The following GLIS3 variants were observed in gnomAD, a reference collection of about 807,000 sequenced individuals.
GLIS3 encodes zinc finger protein GLIS3.
Under a neutral mutation model 78.6 loss-of-function variants are expected in GLIS3, and 53 were observed. The ratio of observed to expected loss-of-function variants is 0.67; its 90% CI spans 0.54 to 0.85. GLIS3 has a LOEUF of 0.85. GLIS3 is among the 40% of genes least tolerant of loss of function. The probability of loss-of-function intolerance (pLI) is 0.00; values close to 1 mark genes in which losing one functional copy is unlikely to be tolerated. For synonymous variants in GLIS3, 684 were observed against 509.9 expected (o/e 1.34, Z -4.60); for missense variants, 1,703 against 1,231.1 (o/e 1.38, Z -5.74).
intron 2 of GLIS3, among the ~76,000 whole-genome samples, chr9:4,271,978 A>G (rs1040879102): frequency 1.3e-5 from 2 of 152,130 alleles, no homozygotes; most frequent in African/African-American, 4.8e-5. Flanking sequence ...GATCCATAAA[A>G]TTCTCATTTG....
intron 2 of GLIS3, among the ~76,000 whole-genome samples, chr9:4,315,939 A>G (rs977952225): frequency 1.3e-5 from 2 of 152,168 alleles, no homozygotes; most frequent in African/African-American, 2.4e-5. Context: ...TGAAACACCA[A>G]GTTGTTCACA....
chr9:4,263,119 T>G (rs1825677511), intron 2 of GLIS3, among the ~76,000 whole-genome samples: 1 of 152,158 alleles, frequency 6.6e-6, no homozygotes, highest in Admixed American at 6.5e-5. Context: ...GAAATGGCCA[T>G]GGGCTTGACC....
chr9:4,005,581 T>C (rs1029170168), intron 4 of GLIS3, among the ~76,000 whole-genome samples: 1 of 152,166 alleles, frequency 6.6e-6, no homozygotes, highest in South Asian at 2.1e-4. Flanking sequence ...GGGATAAGAA[T>C]AGCACCTACT....
intron 7 of GLIS3, among the ~76,000 whole-genome samples, chr9:3,897,438 T>C (rs903000341): frequency 3.5e-5 from 5 of 144,094 alleles, no homozygotes; most frequent in Admixed American, 6.9e-5. Context: ...GTTTTTCATA[T>C]ATATATATAT....
chr9:3,825,311 C>A lies in GLIS3; in HGVS notation c.*2961G>T, dbSNP rs898149107. On this transcript the variant is annotated 3_prime_UTR_variant, in exon 11 of 11. Coordinates refer to ENST00000381971, the MANE Select transcript of GLIS3 (RefSeq NM_001042413.2). Reference sequence around the variant, plus strand: ...GGTAATGGGAGATACCCCACAGGACCTGTAAATATTTAAATAATATTTAAC... The same window carrying A: ...GGTAATGGGAGATACCCCACAGGACATGTAAATATTTAAATAATATTTAAC... 1 of 152,046 alleles carries A rather than the reference C, an allele frequency of 6.6e-6. No individual in the cohort carries two copies. Among genetic ancestry groups the A allele is most frequent in the African/African-American group, 2.4e-5 (1 of 41,378 alleles). The allele number at this position is 152,046 out of a possible 1,614,324, so 9.4% of individuals were successfully genotyped here.
the GLIS3 span, among the ~76,000 whole-genome samples, chr9:4,387,507 G>T: frequency 2.6e-5 from 4 of 152,146 alleles, no homozygotes; most frequent in South Asian, 2.1e-4. Flanking sequence ...TTCTAGAGAT[G>T]GCTGCATGCA....
At chr9:4,363,915 G>C in the GLIS3 span, among the ~76,000 whole-genome samples, 1 of 152,204 alleles carries the variant, frequency 6.6e-6, no homozygotes, top group Non-Finnish European at 1.5e-5. Flanking sequence ...AGTGTTTCCA[G>C]TTATGAGGAA....
chr9:3,967,010 G>GAAAAAA (rs1563901200), intron 4 of GLIS3, among the ~76,000 whole-genome samples: 1 of 27,858 alleles, frequency 3.6e-5, no homozygotes, highest in Non-Finnish European at 7.2e-5. Flanking sequence ...ATTTCTTTCT[G>GAAAAAA]CAAAAAAAAA....
chr9:4,438,488 G>A, the GLIS3 span, among the ~76,000 whole-genome samples: 1 of 152,250 alleles, frequency 6.6e-6, no homozygotes, highest in East Asian at 1.9e-4. Flanking sequence ...TGAGATGGTG[G>A]CAGTGTGAAG....
intron 8 of GLIS3, among the ~76,000 whole-genome samples, chr9:3,875,779 G>GCA (rs1207187759): frequency 1.3e-5 from 2 of 152,160 alleles, no homozygotes; most frequent in Non-Finnish European, 2.9e-5. Context: ...AAGGGATGGG[G>GCA]CACACGTCCA....
chr9:4,128,488 G>A (rs1046072316), intron 2 of GLIS3, among the ~76,000 whole-genome samples: 1 of 152,174 alleles, frequency 6.6e-6, no homozygotes, highest in East Asian at 1.9e-4. Flanking sequence ...AGTGAAATTA[G>A]AATGAATGAA....
At chr9:4,275,773 T>C (rs1312626953) in intron 2 of GLIS3, among the ~76,000 whole-genome samples, 1 of 151,838 alleles carries the variant, frequency 6.6e-6, no homozygotes, top group South Asian at 2.1e-4. Flanking sequence ...TATAAATAAA[T>C]AAGCAAGTAA....
At chr9:4,282,320 G>A (rs1214164982) in intron 2 of GLIS3, among the ~76,000 whole-genome samples, 1 of 152,076 alleles carries the variant, frequency 6.6e-6, no homozygotes, top group Non-Finnish European at 1.5e-5. Flanking sequence ...CACTACTCTG[G>A]GCATTTCTAT....
intron 7 of GLIS3, among the ~76,000 whole-genome samples, chr9:3,894,753 T>G (rs558450552): frequency 3.1e-4 from 47 of 152,092 alleles, no homozygotes; most frequent in Admixed American, 1.0e-3. Flanking sequence ...TAAGGTTACA[T>G]TCAAAATTTG....
chr9:3,907,131 A>T (rs1479564477), intron 6 of GLIS3, among the ~76,000 whole-genome samples: 1 of 152,162 alleles, frequency 6.6e-6, no homozygotes. Flanking sequence ...TGCAGAATCC[A>T]CTTTCAACAC....
intron 4 of GLIS3, among the ~76,000 whole-genome samples, chr9:4,041,001 G>A (rs181583085): frequency 1.3e-5 from 2 of 152,256 alleles, no homozygotes; most frequent in Admixed American, 6.5e-5. Context: ...GTCCCACCTC[G>A]TGATTCTAAT....
chr9:4,318,848 A>G (rs1332825871), intron 2 of GLIS3, among the ~76,000 whole-genome samples: 1 of 152,182 alleles, frequency 6.6e-6, no homozygotes, highest in Non-Finnish European at 1.5e-5. Context: ...CTCCCCACAG[A>G]TTACTTGCTG....
At chr9:4,473,086 G>A in the GLIS3 span, among the ~76,000 whole-genome samples, 2 of 152,044 alleles carry the variant, frequency 1.3e-5, no homozygotes, top group Non-Finnish European at 1.5e-5. Flanking sequence ...CAGTGTATAC[G>A]CATTTCTTTT....
chr9:3,858,476 CA>C (rs1819937257), intron 8 of GLIS3, among the ~76,000 whole-genome samples: 1 of 152,052 alleles, frequency 6.6e-6, no homozygotes, highest in African/African-American at 2.4e-5. Flanking sequence ...ACTGCTATCT[CA>C]AGGACATGAA....
Sources: allele counts gnomAD v4.1 joint callset (sites outside exome capture counted in the v4.1 genomes callset), GRCh38; gene constraint gnomAD v4.1.1; transcripts MANE v1.5; gene names NCBI Gene and HGNC (gene_info 2026-07-23, HGNC 2026-07-21).